The following SAMD3 variants were observed in gnomAD, a reference collection of about 807,000 sequenced individuals.
SAMD3 encodes sterile alpha motif domain-containing protein 3.
SAMD3 carries 63 observed loss-of-function variants against 58.5 expected under a neutral mutation model. The ratio of observed to expected loss-of-function variants is 1.08; its 90% CI spans 0.88 to 1.33. SAMD3 has a LOEUF of 1.33. Among genes scored for constraint, SAMD3 ranks in the 40% most tolerant of loss-of-function variants. SAMD3 has a pLI of 0.00. For missense variants in SAMD3, 604 were observed against 608.4 expected (o/e 0.99, Z 0.08); for synonymous variants, 220 against 210.3 (o/e 1.05, Z -0.40).
intron 7 of SAMD3, chr6:130,183,136 A>C (rs111589078): frequency 4.0e-4 from 129 of 319,874 alleles, no homozygotes; most frequent in African/African-American, 2.5e-3. Context: ...CGTCAGCGGC[A>C]GTGGTTCTCA....
chr6:130,297,242 C>G (rs1775600884), intron 2 of SAMD3, among the ~76,000 whole-genome samples: 1 of 152,204 alleles, frequency 6.6e-6, no homozygotes, highest in African/African-American at 2.4e-5. Flanking sequence ...TCTAAGAAAG[C>G]CACTGCACAG....
At chr6:130,328,327 A>T (rs911584560) in intron 1 of SAMD3, among the ~76,000 whole-genome samples, 5 of 152,110 alleles carry the variant, frequency 3.3e-5, no homozygotes, top group African/African-American at 1.2e-4. Context: ...GCCAACCCTC[A>T]CTTCCTGGTG....
At chr6:130,179,605 C>CA (rs34174182) in intron 7 of SAMD3, among the ~76,000 whole-genome samples, 6,309 of 121,182 alleles carry the variant, frequency 0.052, 164 homozygotes, top group Non-Finnish European at 0.069. Context: ...ACTGTCTAGG[C>CA]AAAAAAAAAA....
At chr6:130,345,909 G>A (rs1777435457) in intron 1 of SAMD3, among the ~76,000 whole-genome samples, 1 of 152,206 alleles carries the variant, frequency 6.6e-6, no homozygotes, top group South Asian at 2.1e-4. Context: ...TAACTGTCAG[G>A]ACATCCAGGG....
chr6:130,261,157 T>C (rs1478781900), intron 2 of SAMD3, among the ~76,000 whole-genome samples: 1 of 147,998 alleles, frequency 6.8e-6, no homozygotes, highest in Non-Finnish European at 1.5e-5. Flanking sequence ...GCCTACTCCA[T>C]TTGAGTGGAA....
At chr6:130,316,047 T>A (rs1462900000) in intron 1 of SAMD3, among the ~76,000 whole-genome samples, 1 of 152,140 alleles carries the variant, frequency 6.6e-6, no homozygotes, top group Non-Finnish European at 1.5e-5. Flanking sequence ...TCCCAGCACT[T>A]CGGGAGGCCG....
chr6:130,275,222 T>C (rs1774733581), intron 2 of SAMD3, among the ~76,000 whole-genome samples: 1 of 152,218 alleles, frequency 6.6e-6, no homozygotes, highest in Admixed American at 6.6e-5. Flanking sequence ...GTTATCTTGA[T>C]ACCAGTAGCT....
intron 2 of SAMD3, among the ~76,000 whole-genome samples, chr6:130,266,943 A>T (rs545824745): frequency 6.7e-4 from 102 of 152,298 alleles, no homozygotes; most frequent in Middle Eastern, 3.4e-3. Flanking sequence ...TACATGCTCA[A>T]CCAAATCATA....
intron 2 of SAMD3, among the ~76,000 whole-genome samples, chr6:130,273,609 T>TTAA (rs1214660791): frequency 6.6e-6 from 1 of 151,964 alleles, no homozygotes; most frequent in Non-Finnish European, 1.5e-5. Context: ...ATTGATTTTT[T>TTAA]TTGTAGATAT....
chr6:130,169,814 C>T (rs1791077318), intron 8 of SAMD3, among the ~76,000 whole-genome samples: 1 of 152,136 alleles, frequency 6.6e-6, no homozygotes, highest in African/African-American at 2.4e-5. Context: ...GGGGTGTGAC[C>T]TCTTATCCCG....
chr6:130,355,982 C>G (rs892885167), intron 1 of SAMD3, among the ~76,000 whole-genome samples: 1 of 152,132 alleles, frequency 6.6e-6, no homozygotes, highest in South Asian at 2.1e-4. Context: ...CTTGCTACAG[C>G]CTTTTAGAGG....
At chr6:130,299,521 A>G (rs72990386) in intron 2 of SAMD3, among the ~76,000 whole-genome samples, 16,820 of 152,192 alleles carry the variant, frequency 0.11, 1,050 homozygotes, top group Admixed American at 0.14. Flanking sequence ...AGAGATCTCA[A>G]ATTAACAACC....
chr6:130,305,688 T>C (rs1775890918), intron 2 of SAMD3, among the ~76,000 whole-genome samples: 1 of 152,216 alleles, frequency 6.6e-6, no homozygotes, highest in Non-Finnish European at 1.5e-5. Flanking sequence ...TCAGATATTA[T>C]TGGGATGCAA....
In SAMD3 at chr6:130,154,946, T is replaced by C. The variant is rs1380758942; in HGVS notation, c.902A>G (p.Asp301Gly). The C allele has an allele frequency of 2.5e-6, 4 of 1,613,460 alleles. No individual in the cohort carries two copies. Among genetic ancestry groups the C allele is most frequent in the Non-Finnish European group, 3.4e-6 (4 of 1,179,746 alleles). Residue 301 changes from aspartate to glycine, a missense_variant, in exon 9 of 12, where the codon GAC (aspartate) becomes GGC (glycine). Physicochemically the swap from Asp to Gly is moderately conservative, Grantham distance 94. Transcript: ENST00000439090. ...CATTCTCTTGTCAATTTCTCTCCAG[T>C]CCTTTTCTGTTTTCACGTATTCTTG... ...FQQEYVKTEK[D>G]WREIDKRMSQ...
At chr6:130,163,196 TTAC>T (rs1388032488) in intron 8 of SAMD3, among the ~76,000 whole-genome samples, 1 of 152,218 alleles carries the variant, frequency 6.6e-6, no homozygotes, top group Non-Finnish European at 1.5e-5. Context: ...TTAAGAATGA[TTAC>T]ATGTTGAAAT....
intron 2 of SAMD3, among the ~76,000 whole-genome samples, chr6:130,246,487 C>T (rs1428557372): frequency 6.7e-6 from 1 of 149,714 alleles, no homozygotes; most frequent in African/African-American, 2.5e-5. Flanking sequence ...TTTCGGTAAT[C>T]ATGCCTTGGC....
intron 2 of SAMD3, among the ~76,000 whole-genome samples, chr6:130,230,005 A>G (rs1796497937): frequency 6.6e-6 from 1 of 152,230 alleles, no homozygotes; most frequent in Admixed American, 6.5e-5. Flanking sequence ...CTGCTCATAC[A>G]AATACTATAA....
intron 5 of SAMD3, among the ~76,000 whole-genome samples, chr6:130,197,038 G>A (rs923524678): frequency 7.9e-5 from 12 of 152,098 alleles, no homozygotes; most frequent in Non-Finnish European, 1.5e-4. Flanking sequence ...AAAGTAGAAC[G>A]GAGTAAAGGT....
At chr6:130,265,429 C>T (rs888593152) in intron 2 of SAMD3, among the ~76,000 whole-genome samples, 5 of 152,136 alleles carry the variant, frequency 3.3e-5, no homozygotes, top group Admixed American at 2.6e-4. Flanking sequence ...AAACTCATCA[C>T]GGGACTCATT....
Sources: gnomAD v4.1 joint callset for allele counts (sites outside exome capture counted in the v4.1 genomes callset) on GRCh38, gnomAD v4.1.1 for gene constraint, MANE v1.5 for transcripts, NCBI Gene and HGNC (gene_info 2026-07-23, HGNC 2026-07-21) for gene names.